The following LARS2 variants were observed in gnomAD, a reference collection of about 807,000 sequenced individuals.
LARS2 encodes the protein leucine--tRNA ligase, mitochondrial.
In LARS2, 81 loss-of-function variants were observed where a neutral mutation model predicts 116.6. The observed-to-expected ratio is 0.69, with a 90% confidence interval of 0.58 to 0.84. LARS2 has a LOEUF of 0.84. Ranked by LOEUF, LARS2 falls within the 40% of genes least tolerant of loss-of-function variation. LARS2 has a pLI of 0.00. For missense variants in LARS2, 968 were observed against 1,114.5 expected, an observed-to-expected ratio of 0.87 and a Z score of 1.87; for synonymous variants, 396 against 407.2, an observed-to-expected ratio of 0.97 and a Z score of 0.33.
intron 12 of LARS2, among the ~76,000 whole-genome samples, chr3:45,490,859 T>A (rs192919741): frequency 2.0e-5 from 3 of 152,362 alleles, no homozygotes; most frequent in African/African-American, 7.2e-5. Context: ...GAAAAGATAA[T>A]TTCTCTTTTG....
At chr3:45,475,381 A>G (rs1193062771) in intron 9 of LARS2, among the ~76,000 whole-genome samples, 1 of 152,242 alleles carries the variant, frequency 6.6e-6, no homozygotes, top group Non-Finnish European at 1.5e-5. Context: ...ACATTTCAAT[A>G]CAAATCCTGG....
At chr3:45,505,087 A>G (rs1026702600) in intron 15 of LARS2, among the ~76,000 whole-genome samples, 1 of 143,372 alleles carries the variant, frequency 7.0e-6, no homozygotes, top group African/African-American at 2.8e-5. Context: ...TCTAAAAATT[A>G]AAAAAAAAAG....
intron 16 of LARS2, among the ~76,000 whole-genome samples, chr3:45,514,890 G>A (rs1463079752): frequency 6.6e-6 from 1 of 152,218 alleles, no homozygotes; most frequent in Non-Finnish European, 1.5e-5. Flanking sequence ...CCCCTTCTCT[G>A]CTGTCATGGG....
rs1356277981 is a variant in LARS2, at chr3:45,541,894, G to C, written c.2470G>C (p.Ala824Pro). 6.2e-7 allele frequency: 1 copy of C among 1,614,254 alleles called. No individual in the cohort carries two copies. Among genetic ancestry groups the C allele is most frequent in the African/African-American group, 1.3e-5 (1 of 75,080 alleles). ...TTGGGATGCCAGTGTGCTGCTCCAG[G>C]CATGGCCTGCTGTGGACCCGGAGTT... is the stretch of plus-strand genomic sequence containing the variant. Reference protein sequence around the residue: ...YTWDASVLLQAWPAVDPEFLQ... With the variant: ...YTWDASVLLQPWPAVDPEFLQ... The change falls in exon 21 of 22, where the codon GCA becomes CCA. Residue 824 changes from alanine (A) to proline (P), a missense_variant. Coordinates refer to ENST00000645846, the MANE Select transcript of LARS2 (RefSeq NM_015340.4).
chr3:45,501,898 G>A (rs897010947), intron 15 of LARS2, among the ~76,000 whole-genome samples: 1 of 152,020 alleles, frequency 6.6e-6, no homozygotes, highest in Non-Finnish European at 1.5e-5. Context: ...CACGTTGTGA[G>A]TTAAATTTGA....
chr3:45,515,044 A>G (rs936496235), intron 16 of LARS2, among the ~76,000 whole-genome samples: 15 of 152,198 alleles, frequency 9.9e-5, no homozygotes, highest in African/African-American at 3.4e-4. Flanking sequence ...AGGTCTGTAC[A>G]TCGGTCCCCT....
At chr3:45,482,802 A>G (rs1699727731) in intron 10 of LARS2, among the ~76,000 whole-genome samples, 1 of 152,164 alleles carries the variant, frequency 6.6e-6, no homozygotes, top group African/African-American at 2.4e-5. Context: ...GAAACTCTTG[A>G]GCATGTGTGA....
chr3:45,479,048 G>A (rs1004443829), intron 10 of LARS2, among the ~76,000 whole-genome samples: 1 of 152,098 alleles, frequency 6.6e-6, no homozygotes, highest in Non-Finnish European at 1.5e-5. Context: ...TGACCACCGA[G>A]TGTCATGGCA....
chr3:45,475,683 G>T (rs538816220), intron 9 of LARS2, among the ~76,000 whole-genome samples: 1 of 152,326 alleles, frequency 6.6e-6, no homozygotes, highest in East Asian at 1.9e-4. Flanking sequence ...ATAAGATGGG[G>T]CAACATAGTG....
rs369275981 is a variant in LARS2 at position 45,401,066 on chromosome 3, C to T, written c.363+693C>T. On this transcript the variant is annotated intron_variant, in intron 4 of 21. Transcript: ENST00000645846. Reference sequence around the variant, plus strand: ...GGCCTCGTGATCCGCCCACCTTGGCCTCCCAAAGTGCTGTGATTACAGGTG... The same window carrying T: ...GGCCTCGTGATCCGCCCACCTTGGCTTCCCAAAGTGCTGTGATTACAGGTG... 2.6e-4 allele frequency among the ~76,000 whole-genome samples: 40 copies of T among 152,320 alleles called. No individual in the cohort carries two copies. The South Asian group carries it at 4.6e-3, about 17-fold the overall frequency.
chr3:45,419,361 C>T (rs1014791944), intron 5 of LARS2, among the ~76,000 whole-genome samples: 11 of 152,118 alleles, frequency 7.2e-5, no homozygotes, highest in Admixed American at 4.6e-4. Context: ...GACGTCTGGA[C>T]GGGCCAGCAG....
intron 12 of LARS2, 68 bp downstream of exon 12, chr3:45,488,880 G>A (rs1699864372): frequency 9.8e-7 from 1 of 1,018,292 alleles, no homozygotes; most frequent in Non-Finnish European, 1.6e-6. Flanking sequence ...TTTTCCTTCA[G>A]GTGCAAATTA....
intron 15 of LARS2, among the ~76,000 whole-genome samples, chr3:45,502,139 C>T (rs1700132006): frequency 6.6e-6 from 1 of 151,900 alleles, no homozygotes; most frequent in Non-Finnish European, 1.5e-5. Context: ...TTATTGTTGA[C>T]TATAGTTGAT....
At position 45,444,027 on chromosome 3, in the gene LARS2, CAG is replaced by C. The variant is rs1698965331; in HGVS notation, c.517-2861_517-2860del. 3.6e-5 allele frequency among the ~76,000 whole-genome samples: 5 copies of C among 140,446 alleles called. No homozygotes were observed. In the South Asian group the frequency reaches 1.1e-3, roughly 32 times the overall value. 92.1% of individuals were successfully genotyped at this position (140,446 alleles called of 152,430 possible). A position where few individuals can be genotyped will look rare whatever the true frequency, so the allele number is the denominator to read the frequency against. On this transcript the variant is annotated intron_variant, in intron 6 of 21. Coordinates refer to ENST00000645846, the MANE Select transcript of LARS2 (RefSeq NM_015340.4). Reference sequence around the variant, plus strand: ...CTCTTTTTTTTTTTTTTTTCTGAGACAGAGTCTTGCTCTGTTGTCCAGGCTGG... The same window carrying C: ...CTCTTTTTTTTTTTTTTTTCTGAGACAGTCTTGCTCTGTTGTCCAGGCTGG...
At chr3:45,513,368 C>G in intron 16 of LARS2, 133 bp downstream of exon 16, 1 of 662,002 alleles carries the variant, frequency 1.5e-6, no homozygotes. Context: ...GCTGTGAGGT[C>G]TCTAAGCCTC....
intron 19 of LARS2, among the ~76,000 whole-genome samples, chr3:45,521,971 T>G (rs1215836068): frequency 6.6e-6 from 1 of 152,086 alleles, no homozygotes; most frequent in Non-Finnish European, 1.5e-5. Context: ...CCAAGTGTGG[T>G]GGCATGCACC....
At chr3:45,496,437 C>A in intron 14 of LARS2, 64 bp downstream of exon 14, 3 of 1,186,884 alleles carry the variant, frequency 2.5e-6, no homozygotes, top group Non-Finnish European at 3.8e-6. Flanking sequence ...AAGCAAAGAC[C>A]AAGATGGAAT....
chr3:45,515,893 G>A (rs1385293149), intron 16 of LARS2, among the ~76,000 whole-genome samples: 2 of 152,216 alleles, frequency 1.3e-5, no homozygotes, highest in East Asian at 3.8e-4. Flanking sequence ...TTTGTGGGAG[G>A]AAGGTGGGCC....
chr3:45,398,813 G>A (rs1698094625), intron 3 of LARS2, among the ~76,000 whole-genome samples: 1 of 152,198 alleles, frequency 6.6e-6, no homozygotes, highest in Admixed American at 6.5e-5. Flanking sequence ...GGGGGCAGAC[G>A]TGGAGAAAGA....
Sources: gnomAD v4.1 joint callset for allele counts (sites outside exome capture counted in the v4.1 genomes callset) on GRCh38, gnomAD v4.1.1 for gene constraint, MANE v1.5 for transcripts, NCBI Gene and HGNC (gene_info 2026-07-23, HGNC 2026-07-21) for gene names.